Variants in CCDC33 observed in about 807,000 individuals in gnomAD.
CCDC33 encodes coiled-coil domain-containing protein 33.
In CCDC33, 94 loss-of-function variants were observed where a neutral mutation model predicts 91.9. That is an observed-to-expected ratio of 1.02 (90% CI 0.87 to 1.21). CCDC33 has a LOEUF of 1.21. CCDC33 is among the 50% of genes most tolerant of loss of function. The pLI, the probability that CCDC33 is intolerant of heterozygous loss-of-function variation, is 0.00. For missense variants in CCDC33, 940 were observed against 935.5 expected, an observed-to-expected ratio of 1.00 and a Z score of -0.06; for synonymous variants, 396 against 374.5, an observed-to-expected ratio of 1.06 and a Z score of -0.66.
At position 74,272,656 on chromosome 15, in the gene CCDC33, G is replaced by A. The variant is rs142762398; in HGVS notation, c.639-115G>A. 305 of 1,404,130 alleles carry A rather than the reference G, an allele frequency of 2.2e-4. 1 individual carries two copies. The highest frequency in any genetic ancestry group is 2.6e-4 in the Non-Finnish European group (266 of 1,042,690). The allele number at this position is 1,404,130 out of a possible 1,614,324, so 87.0% of individuals were successfully genotyped here. A position where few individuals can be genotyped will look rare whatever the true frequency, so the allele number is the denominator to read the frequency against. ...CGTGAGGTCCAGGCCCGAACTCGGC[G>A]GGATCCCTGCAACTCCCTTCTCTTG... On this transcript the variant is annotated intron_variant, in intron 6 of 18. Coordinates refer to ENST00000398814, the MANE Select transcript of CCDC33 (RefSeq NM_025055.5).
chr15:74,310,374 TA>T (rs1385882069), intron 11 of CCDC33, among the ~76,000 whole-genome samples: 11 of 151,790 alleles, frequency 7.2e-5, no homozygotes, highest in Non-Finnish European at 1.5e-5. Context: ...CCGTTTCTAC[TA>T]AAAATACAAA....
At chr15:74,256,059 G>T (rs974955242) in intron 2 of CCDC33, among the ~76,000 whole-genome samples, 9 of 152,240 alleles carry the variant, frequency 5.9e-5, no homozygotes, top group African/African-American at 2.2e-4. Context: ...GCAGCGACAA[G>T]ACAGGTCCCT....
intron 10 of CCDC33, among the ~76,000 whole-genome samples, chr15:74,286,171 G>A (rs1322368060): frequency 1.3e-5 from 2 of 152,110 alleles, no homozygotes; most frequent in Non-Finnish European, 2.9e-5. Flanking sequence ...ACTTGAACCT[G>A]GGAGGTAGAG....
intron 7 of CCDC33, among the ~76,000 whole-genome samples, chr15:74,276,940 T>TTGTG (rs1041812040): frequency 9.2e-5 from 14 of 152,134 alleles, no homozygotes; most frequent in African/African-American, 2.9e-4. Context: ...CTCTACATGT[T>TTGTG]TGTGTGTGTG....
intron 2 of CCDC33, among the ~76,000 whole-genome samples, chr15:74,226,471 A>G (rs1033572170): frequency 1.2e-4 from 19 of 152,154 alleles, no homozygotes; most frequent in African/African-American, 4.1e-4. Flanking sequence ...CACAAATGTC[A>G]GGGAGACAGT....
At chr15:74,208,914 TCTC>T (rs898060808) in intron 1 of CCDC33, 2 of 991,028 alleles carry the variant, frequency 2.0e-6, no homozygotes, top group South Asian at 4.6e-5. Flanking sequence ...CACGGGGCCT[TCTC>T]CTCTGAGCCC....
At chr15:74,233,265 C>T (rs2075041895), upstream of CCDC33, among the ~76,000 whole-genome samples, 1 of 152,212 alleles carries the variant, frequency 6.6e-6, no homozygotes, top group South Asian at 2.1e-4. Context: ...GGGCAAGTCC[C>T]TGCCCCTCCT....
upstream of CCDC33, among the ~76,000 whole-genome samples, chr15:74,216,121 G>A (rs2074441534): frequency 6.6e-6 from 1 of 152,108 alleles, no homozygotes; most frequent in Non-Finnish European, 1.5e-5. Context: ...TGCAAGGGAA[G>A]AGAGCTGCTA....
At chr15:74,248,396 T>G (rs1434844236) in intron 2 of CCDC33, among the ~76,000 whole-genome samples, 1 of 152,140 alleles carries the variant, frequency 6.6e-6, no homozygotes, top group Non-Finnish European at 1.5e-5. Flanking sequence ...TTTGGTACCC[T>G]GAGCTTAGTC....
At chr15:74,242,893 G>A (rs914982606) in intron 1 of CCDC33, among the ~76,000 whole-genome samples, 22 of 152,042 alleles carry the variant, frequency 1.4e-4, no homozygotes, top group Admixed American at 2.6e-4. Context: ...GCCCCTTCCC[G>A]CTTGCTGCCT....
intron 16 of CCDC33, chr15:74,333,124 C>A: frequency 1.0e-6 from 1 of 1,004,408 alleles, no homozygotes; most frequent in Non-Finnish European, 1.5e-6. Flanking sequence ...TTTCACCTGG[C>A]TGGCCTCCAC....
At chr15:74,204,242 G>T (rs1262465519) in intron 1 of CCDC33, among the ~76,000 whole-genome samples, 1 of 152,234 alleles carries the variant, frequency 6.6e-6, no homozygotes, top group Non-Finnish European at 1.5e-5. Context: ...AGGCGCGAGT[G>T]TGAGCTCCCG....
At chr15:74,274,413 T>G (rs545339716) in intron 7 of CCDC33, among the ~76,000 whole-genome samples, 1 of 152,166 alleles carries the variant, frequency 6.6e-6, no homozygotes, top group African/African-American at 2.4e-5. Flanking sequence ...TTTTTGGAGG[T>G]CCCTCCTATT....
chr15:74,260,721 C>T (rs767001105), intron 2 of CCDC33, among the ~76,000 whole-genome samples: 1 of 152,088 alleles, frequency 6.6e-6, no homozygotes, highest in Non-Finnish European at 1.5e-5. Flanking sequence ...CACCTTGGCC[C>T]GAGCAGCCAG....
chr15:74,278,452 TTGG>T (rs2076506382), intron 7 of CCDC33, among the ~76,000 whole-genome samples: 1 of 152,224 alleles, frequency 6.6e-6, no homozygotes, highest in South Asian at 2.1e-4. Context: ...AGGCAGCCAC[TTGG>T]TGGGTCTGTA....
At chr15:74,282,431 C>A (rs1248684041) in intron 10 of CCDC33, among the ~76,000 whole-genome samples, 1 of 152,114 alleles carries the variant, frequency 6.6e-6, no homozygotes, top group East Asian at 1.9e-4. Context: ...TCACAATGGC[C>A]CCGTTCATCT....
chr15:74,330,805 G>A (rs905018175), intron 13 of CCDC33, 54 bp downstream of exon 13: 35 of 1,549,042 alleles, frequency 2.3e-5, no homozygotes, highest in Non-Finnish European at 2.8e-5. Flanking sequence ...GGGGAGCATC[G>A]GGGTGAGAAG....
At chr15:74,311,769 A>T (rs1162915302) in intron 11 of CCDC33, 1 of 152,210 alleles carries the variant, frequency 6.6e-6, no homozygotes, top group African/African-American at 2.4e-5. Flanking sequence ...GTCACTAATA[A>T]AGAAGCAGCA....
At chr15:74,268,513 T>C (rs2076232365) in intron 5 of CCDC33, 55 bp downstream of exon 5, 1 of 1,334,904 alleles carries the variant, frequency 7.5e-7, no homozygotes, top group Non-Finnish European at 1.1e-6. Context: ...GGGCCAAGCT[T>C]TGAGCAGGCC....
Sources: allele counts gnomAD v4.1 joint callset (sites outside exome capture counted in the v4.1 genomes callset), GRCh38; gene constraint gnomAD v4.1.1; transcripts MANE v1.5; gene names NCBI Gene and HGNC (gene_info 2026-07-23, HGNC 2026-07-21).